The following PLA2G4C variants were observed in gnomAD, a reference collection of about 807,000 sequenced individuals.
The protein encoded by PLA2G4C is phospholipase A2 group IVC, also known as cytosolic phospholipase A2 gamma.
A neutral mutation model predicts 73.8 loss-of-function variants in PLA2G4C; 64 were observed. The ratio of observed to expected loss-of-function variants is 0.87; its 90% CI spans 0.71 to 1.07. PLA2G4C has a LOEUF of 1.07. Among genes scored for constraint, PLA2G4C ranks in the 50% least tolerant of loss-of-function variants. The pLI is 0.00. For synonymous variants in PLA2G4C, 254 were observed against 252.1 expected, an observed-to-expected ratio of 1.01 and a Z score of -0.07; for missense variants, 622 against 665.4, an observed-to-expected ratio of 0.93 and a Z score of 0.72.
At chr19:48,048,966 A>T (rs1967622617) in intron 16 of PLA2G4C, among the ~76,000 whole-genome samples, 1 of 152,022 alleles carries the variant, frequency 6.6e-6, no homozygotes. Flanking sequence ...AGTTCACTTG[A>T]GATCTGGTTG....
intron 1 of PLA2G4C, among the ~76,000 whole-genome samples, chr19:48,109,583 C>T (rs11564509): frequency 0.12 from 18,408 of 152,098 alleles, 1,168 homozygotes; most frequent in African/African-American, 0.15. Context: ...GACATAGGCT[C>T]TTAAAGGGGT....
chr19:48,103,326 T>C lies in PLA2G4C; in HGVS notation c.257+1262A>G, dbSNP rs2032009364. The C allele has an allele frequency of 3.3e-5, 5 of 152,434 alleles. No homozygotes were observed. In the South Asian group the frequency reaches 1.0e-3, roughly 32 times the overall value. 9.4% of individuals were successfully genotyped at this position (152,434 alleles called of 1,614,324 possible). ...ACATGTTAGATGAGCCTTGGAGGAA[T>C]AGAGGGGTCCGGTGTGACTCTGCAG... is the stretch of plus-strand genomic sequence containing the variant. On this transcript the variant is annotated intron_variant, in intron 4 of 16. Transcript: ENST00000599921.
chr19:48,056,199 G>C (rs1950879420), intron 14 of PLA2G4C, among the ~76,000 whole-genome samples: 1 of 152,068 alleles, frequency 6.6e-6, no homozygotes, highest in African/African-American at 2.4e-5. Flanking sequence ...CTGTGTCTTA[G>C]AAAGGCATCT....
At chr19:48,074,602 C>T in intron 12 of PLA2G4C, 165 bp downstream of exon 12, 1 of 636,902 alleles carries the variant, frequency 1.6e-6, no homozygotes, top group South Asian at 1.8e-5. Flanking sequence ...TGGGGGATTA[C>T]ATTCCAACAT....
intron 12 of PLA2G4C, among the ~76,000 whole-genome samples, chr19:48,068,611 G>C (rs566544653): frequency 1.1e-4 from 16 of 152,046 alleles, no homozygotes; most frequent in African/African-American, 3.6e-4. Flanking sequence ...AGGATCACTT[G>C]AACCCAGTAG....
chr19:48,068,175 CAT>C (rs1968516671), intron 12 of PLA2G4C, among the ~76,000 whole-genome samples: 1 of 152,166 alleles, frequency 6.6e-6, no homozygotes, highest in African/African-American at 2.4e-5. Context: ...GGTGGTGGCG[CAT>C]GCCTGTAGTC....
At chr19:48,102,828 T>A (rs2031984906) in intron 4 of PLA2G4C, among the ~76,000 whole-genome samples, 1 of 152,212 alleles carries the variant, frequency 6.6e-6, no homozygotes, top group Non-Finnish European at 1.5e-5. Context: ...TTCATGTAAA[T>A]TTTCCATTTC....
chr19:48,063,469 T>C (rs904654163), intron 13 of PLA2G4C, among the ~76,000 whole-genome samples: 4 of 152,146 alleles, frequency 2.6e-5, no homozygotes, highest in African/African-American at 9.7e-5. Flanking sequence ...CAGCTTGACT[T>C]TTCCCTTTAA....
intron 10 of PLA2G4C, among the ~76,000 whole-genome samples, chr19:48,084,040 T>TGTGTGTGTGTGTG (rs2030819530): frequency 2.2e-5 from 3 of 139,130 alleles, no homozygotes; most frequent in Non-Finnish European, 4.6e-5. Context: ...AATGCCAATT[T>TGTGTGTGTGTGTG]TGTGTGTGTG....
At chr19:48,075,549 C>A (rs2030093540) in intron 11 of PLA2G4C, among the ~76,000 whole-genome samples, 1 of 152,106 alleles carries the variant, frequency 6.6e-6, no homozygotes, top group Non-Finnish European at 1.5e-5. Context: ...CTCTCTCACA[C>A]ACACACACTG....
Position 48,101,134 on chromosome 19 carries a change from T to A in PLA2G4C, c.258-1274A>T, listed in dbSNP as rs1256017557. The stretch of plus-strand genomic sequence containing the variant: ...TATATATATATATATATATTTTTTT[T>A]TTTTTTTTTGAGACAGGTCTTGCTC... On this transcript the variant is annotated intron_variant, in intron 4 of 16. Coordinates refer to ENST00000599921, the MANE Select transcript of PLA2G4C (RefSeq NM_003706.3). Among the ~76,000 whole-genome samples the A allele has an allele frequency of 1.8e-4, 25 of 136,968 alleles. No individual in the cohort carries two copies. The South Asian group carries it at 3.4e-3, about 19-fold the overall frequency. The allele number at this position is 136,968 out of a possible 152,430, so 89.9% of individuals were successfully genotyped here. A position where few individuals can be genotyped will look rare whatever the true frequency, so the allele number is the denominator to read the frequency against.
At position 48,085,075 on chromosome 19, in the gene PLA2G4C, A is replaced by G. The variant is rs1256597282; in HGVS notation, c.828T>C (p.Ile276=). 6.2e-7 allele frequency: 1 copy of G among 1,612,130 alleles called. No individual in the cohort carries two copies. The highest frequency in any genetic ancestry group is 1.7e-5 in the Admixed American group (1 of 60,008). The change falls in exon 10 of 17, where the codon ATT becomes ATC. Residue 276 remains isoleucine (I), a synonymous_variant. Transcript: ENST00000599921. ...AATACTCACCAAAAATAAGGTGTCC[A>G]ATGCTTTTAGCATTAGCAACAGCCC... is the stretch of plus-strand genomic sequence containing the variant. ...WRRAVANAKS[I]GHLIFARLLR...
intron 9 of PLA2G4C, among the ~76,000 whole-genome samples, chr19:48,086,964 G>A (rs957930040): frequency 6.6e-6 from 1 of 152,224 alleles, no homozygotes; most frequent in African/African-American, 2.4e-5. Flanking sequence ...ATTGCTGGGA[G>A]TCTCGAGGAC....
intron 10 of PLA2G4C, among the ~76,000 whole-genome samples, chr19:48,078,069 G>T (rs2030289665): frequency 6.6e-6 from 1 of 152,082 alleles, no homozygotes; most frequent in Non-Finnish European, 1.5e-5. Flanking sequence ...TGCAGGGATG[G>T]CTTAACATAT....
At chr19:48,058,527 T>C (rs921659029) in intron 14 of PLA2G4C, among the ~76,000 whole-genome samples, 1 of 151,942 alleles carries the variant, frequency 6.6e-6, no homozygotes, top group Non-Finnish European at 1.5e-5. Context: ...TTCTAAAGAT[T>C]TGACATTCAG....
At chr19:48,107,268 G>A (rs1318226250) in intron 1 of PLA2G4C, among the ~76,000 whole-genome samples, 1 of 152,232 alleles carries the variant, frequency 6.6e-6, no homozygotes, top group African/African-American at 2.4e-5. Flanking sequence ...GTTCCTGGGA[G>A]CGGGTCTCAG....
intron 3 of PLA2G4C, 118 bp from the exon 4 acceptor site, chr19:48,104,842 G>C (rs1366745428): frequency 1.1e-6 from 1 of 937,824 alleles, no homozygotes; most frequent in Non-Finnish European, 1.6e-6. Context: ...CAGCACATTG[G>C]GAGGCCGAGG....
At chr19:48,110,382 T>A in intron 1 of PLA2G4C, 105 bp downstream of exon 1, 3 of 696,772 alleles carry the variant, frequency 4.3e-6, no homozygotes, top group Admixed American at 3.6e-5. Flanking sequence ...TAAAATAAAA[T>A]AAAAAAGAAA....
chr19:48,102,311 G>C (rs560601333), intron 4 of PLA2G4C, among the ~76,000 whole-genome samples: 1 of 151,622 alleles, frequency 6.6e-6, no homozygotes, highest in South Asian at 2.1e-4. Flanking sequence ...GCCAACACGG[G>C]GAAACTCCGT....
Sources: allele counts gnomAD v4.1 joint callset (sites outside exome capture counted in the v4.1 genomes callset), GRCh38; gene constraint gnomAD v4.1.1; transcripts MANE v1.5; gene names NCBI Gene and HGNC (gene_info 2026-07-23, HGNC 2026-07-21).